The following GTF2A1 variants were observed in gnomAD, a reference collection of about 807,000 sequenced individuals.
The protein encoded by GTF2A1 is general transcription factor IIA subunit 1, also known as transcription initiation factor IIA subunit 1.
In GTF2A1, 12 loss-of-function variants were observed where a neutral mutation model predicts 54.1. The ratio of observed to expected loss-of-function variants is 0.22; its 90% CI spans 0.14 to 0.36. The LOEUF (loss-of-function observed/expected upper bound fraction) is 0.36, where lower values mean the gene tolerates loss of function less well. Among genes scored for constraint, GTF2A1 ranks in the 10% least tolerant of loss-of-function variants. The probability of loss-of-function intolerance (pLI) is 1.00; values close to 1 mark genes in which losing one functional copy is unlikely to be tolerated. For missense variants in GTF2A1, 335 were observed against 442.2 expected (o/e 0.76, Z 2.17); for synonymous variants, 145 against 152.0 (o/e 0.95, Z 0.34).
At position 81,210,247 on chromosome 14, in the gene GTF2A1, T is replaced by C. The variant is rs147660652; in HGVS notation, c.133-6143A>G. Among the ~76,000 whole-genome samples, 4 of 152,340 alleles carry C rather than the reference T, an allele frequency of 2.6e-5. No individual in the cohort carries two copies. The East Asian group carries it at 7.7e-4, about 29-fold the overall frequency. On this transcript the variant is annotated intron_variant, in intron 2 of 8. Coordinates refer to ENST00000553612, the MANE Select transcript of GTF2A1 (RefSeq NM_015859.4). ...ACATACAAAAAGAGTATCATACAAATACTTTGTATTAAGCTTATAATGCCA... is the reference window on the plus strand; with the variant it reads ...ACATACAAAAAGAGTATCATACAAACACTTTGTATTAAGCTTATAATGCCA...
chr14:81,201,376 C>G (rs759161709), intron 4 of GTF2A1, among the ~76,000 whole-genome samples: 9 of 152,118 alleles, frequency 5.9e-5, no homozygotes, highest in Non-Finnish European at 8.8e-5. Context: ...CACAAAGCAC[C>G]ATTCTTTTGG....
chr14:81,176,752 G>C lies in GTF2A1; in HGVS notation c.*3471C>G, dbSNP rs1892537314. 6.6e-6 allele frequency: 1 copy of C among 151,998 alleles called. No homozygotes were observed. Among genetic ancestry groups the C allele is most frequent in the African/African-American group, 2.4e-5 (1 of 41,380 alleles). The allele number at this position is 151,998 out of a possible 1,614,324, so 9.4% of individuals were successfully genotyped here. A position where few individuals can be genotyped will look rare whatever the true frequency, so the allele number is the denominator to read the frequency against. ...AAATCTGCTATAGCTGATTCTGACA[G>C]GTAGGTGAGAGAAAGACATGAAATA... On this transcript the variant is annotated 3_prime_UTR_variant, in exon 9 of 9. Coordinates refer to ENST00000553612, the MANE Select transcript of GTF2A1 (RefSeq NM_015859.4).
chr14:81,180,427 A>C lies in GTF2A1; in HGVS notation c.1024-97T>G, dbSNP rs188026854. The C allele has an allele frequency of 6.4e-4, 406 of 630,196 alleles. 1 individual carries two copies. The highest frequency in any genetic ancestry group is 3.5e-3 in the East Asian group (126 of 36,358). The allele number at this position is 630,196 out of a possible 1,614,324, so 39.0% of individuals were successfully genotyped here. On this transcript the variant is annotated intron_variant, in intron 8 of 8. Transcript: ENST00000553612. The stretch of plus-strand genomic sequence containing the variant: ...CATACACACACACACGTACACACAC[A>C]CCCCCCCACAAAACAGTATTTACAG...
intron 2 of GTF2A1, among the ~76,000 whole-genome samples, chr14:81,214,716 T>C (rs1438250868): frequency 6.6e-6 from 1 of 152,142 alleles, no homozygotes; most frequent in Non-Finnish European, 1.5e-5. Context: ...CCTATATTTA[T>C]ACTAATAGAA....
In GTF2A1 at chr14:81,210,544, A is replaced by G. The variant is rs569985929; in HGVS notation, c.132+5869T>C. Among the ~76,000 whole-genome samples the G allele has an allele frequency of 4.6e-5, 7 of 152,296 alleles. 1 individual carries two copies. Among genetic ancestry groups the G allele is most frequent in the African/African-American group, 1.7e-4 (7 of 41,556 alleles). ...CTATTTTGGCAATAGTAATCATACT[A>G]ACATACGTTTTTGTTTTTGTTTTTT... On this transcript the variant is annotated intron_variant, in intron 2 of 8. Transcript: ENST00000553612.
Position 81,180,259 on chromosome 14 carries a change from A to G in GTF2A1, c.1095T>C (p.Tyr365=). Residue 365 remains tyrosine (Y), a synonymous_variant, in exon 9 of 9, where the codon TAT becomes TAC. Coordinates refer to ENST00000553612, the MANE Select transcript of GTF2A1 (RefSeq NM_015859.4). ...DGIMNLNGRD[Y]IFSKAIGDAE... ...CATCTCCAATGGCTTTGGAAAATATATAATCTCTTCCATTAAGATTCATAA... is the reference window on the plus strand; with the variant it reads ...CATCTCCAATGGCTTTGGAAAATATGTAATCTCTTCCATTAAGATTCATAA... 6.8e-7 allele frequency: 1 copy of G among 1,481,394 alleles called. No individual in the cohort carries two copies. Among genetic ancestry groups the G allele is most frequent in the Non-Finnish European group, 9.3e-7 (1 of 1,070,314 alleles). The allele number at this position is 1,481,394 out of a possible 1,614,324, so 91.8% of individuals were successfully genotyped here.
chr14:81,205,281 T>C lies in GTF2A1; in HGVS notation c.133-1177A>G, dbSNP rs1253070577. Among the ~76,000 whole-genome samples the C allele has an allele frequency of 2.6e-5, 4 of 152,316 alleles. No homozygotes were observed. The East Asian group carries it at 7.7e-4, about 29-fold the overall frequency. ...TGGTCATACTCACAGAGATTTTTTA[T>C]AATCTTCTGACCCTTCCAATCATTC... On this transcript the variant is annotated intron_variant, in intron 2 of 8. Coordinates refer to ENST00000553612, the MANE Select transcript of GTF2A1 (RefSeq NM_015859.4).
intron 2 of GTF2A1, among the ~76,000 whole-genome samples, chr14:81,205,480 T>C (rs1204137243): frequency 6.6e-6 from 1 of 152,244 alleles, no homozygotes; most frequent in African/African-American, 2.4e-5. Flanking sequence ...TCTATCTCAC[T>C]GGTTGTTGAG....
intron 5 of GTF2A1, chr14:81,197,112 T>C (rs879493872): frequency 1.7e-4 from 35 of 211,464 alleles, no homozygotes; most frequent in Admixed American, 5.1e-4. Flanking sequence ...TCACTTGGCA[T>C]GTTAAATGTG....
At chr14:81,185,735 C>T (rs527905704) in intron 7 of GTF2A1, 115 bp from the exon 8 acceptor site, 23 of 519,848 alleles carry the variant, frequency 4.4e-5, no homozygotes, top group African/African-American at 2.1e-4. Context: ...CATATATGTA[C>T]GCCATGAATT....
intron 1 of GTF2A1, among the ~76,000 whole-genome samples, chr14:81,220,127 A>G (rs1355721974): frequency 1.3e-5 from 2 of 151,230 alleles, no homozygotes; most frequent in Non-Finnish European, 3.0e-5. Context: ...GCCAGCGCGG[A>G]CGGGCCCCTC....
chr14:81,196,501 C>T (rs1892996470), intron 5 of GTF2A1, among the ~76,000 whole-genome samples: 1 of 152,142 alleles, frequency 6.6e-6, no homozygotes, highest in African/African-American at 2.4e-5. Flanking sequence ...AAGGTTTTAA[C>T]AACAGATTAT....
chr14:81,210,026 CTTTATCATACA>C (rs368782223), intron 2 of GTF2A1: 203,910 of 456,208 alleles, frequency 0.45, 48,224 homozygotes, highest in Middle Eastern at 0.51. Flanking sequence ...CAGGACAATT[CTTTATCATACA>C]GAATGGTCCC....
At chr14:81,200,896 A>C (rs962473164) in intron 4 of GTF2A1, among the ~76,000 whole-genome samples, 54 of 151,364 alleles carry the variant, frequency 3.6e-4, no homozygotes, top group East Asian at 2.7e-3. Context: ...AAAAAAAAAA[A>C]AAAAACAAAA....
chr14:81,211,428 G>A (rs982745665), intron 2 of GTF2A1, among the ~76,000 whole-genome samples: 11 of 152,184 alleles, frequency 7.2e-5, no homozygotes, highest in Non-Finnish European at 1.2e-4. Flanking sequence ...GTCACATAGA[G>A]GCAAAAGGGC....
chr14:81,198,103 G>C (rs938018793), intron 4 of GTF2A1, among the ~76,000 whole-genome samples: 5 of 152,058 alleles, frequency 3.3e-5, no homozygotes, highest in African/African-American at 1.2e-4. Flanking sequence ...TTATATTCTA[G>C]GTGAAACATG....
At chr14:81,201,568 T>C in intron 4 of GTF2A1, 26 bp downstream of exon 4, 2 of 1,397,836 alleles carry the variant, frequency 1.4e-6, no homozygotes, top group Non-Finnish European at 2.0e-6. Flanking sequence ...GTACAGCCAA[T>C]CAAACTGCTA....
At chr14:81,213,130 T>C (rs1294557895) in intron 2 of GTF2A1, among the ~76,000 whole-genome samples, 1 of 152,232 alleles carries the variant, frequency 6.6e-6, no homozygotes, top group African/African-American at 2.4e-5. Flanking sequence ...GTATCTATTA[T>C]CAAACACTTC....
At chr14:81,216,856 T>C (rs1448820407) in intron 1 of GTF2A1, among the ~76,000 whole-genome samples, 1 of 152,246 alleles carries the variant, frequency 6.6e-6, no homozygotes, top group East Asian at 1.9e-4. Flanking sequence ...CATGCTTGGT[T>C]TGAACTCTGT....
Sources: gnomAD v4.1 joint callset for allele counts (sites outside exome capture counted in the v4.1 genomes callset) on GRCh38, gnomAD v4.1.1 for gene constraint, MANE v1.5 for transcripts, NCBI Gene and HGNC (gene_info 2026-07-23, HGNC 2026-07-21) for gene names.